The following LRRFIP2 variants were observed in gnomAD, a reference collection of about 807,000 sequenced individuals.
LRRFIP2 encodes the protein leucine-rich repeat flightless-interacting protein 2.
A neutral mutation model predicts 125.9 loss-of-function variants in LRRFIP2; 109 were observed. The observed-to-expected ratio is 0.87, with a 90% CI of 0.74 to 1.01. The LOEUF (loss-of-function observed/expected upper bound fraction) is 1.01. LRRFIP2 is among the 50% of genes least tolerant of loss of function. The probability of loss-of-function intolerance (pLI) is 0.00; values close to 1 mark genes in which losing one functional copy is unlikely to be tolerated. For synonymous variants in LRRFIP2, 291 were observed against 293.1 expected (o/e 0.99, Z 0.07); for missense variants, 850 against 862.3 (o/e 0.99, Z 0.18).
intron 15 of LRRFIP2, among the ~76,000 whole-genome samples, chr3:37,097,401 T>G (rs140029039): frequency 6.6e-6 from 1 of 152,178 alleles, no homozygotes; most frequent in Non-Finnish European, 1.5e-5. Flanking sequence ...TCTTTCTTCA[T>G]AGCATTTATC....
At chr3:37,055,566 CT>C (rs1416389741) in intron 25 of LRRFIP2, among the ~76,000 whole-genome samples, 2 of 151,942 alleles carry the variant, frequency 1.3e-5, no homozygotes, top group Non-Finnish European at 2.9e-5. Context: ...CTCCGTCCCC[CT>C]GCCAAAAAAA....
chr3:37,127,774 C>A lies in LRRFIP2; in HGVS notation c.178-94G>T. ...AATCATACACATTTTCCCTAAAAAA[C>A]AATGATAGCTGACTCAAAGTTACAC... On this transcript the variant is annotated intron_variant, in intron 3 of 27. Coordinates refer to ENST00000336686, the MANE Select transcript of LRRFIP2 (RefSeq NM_006309.4). 3 of 949,384 alleles carry A rather than the reference C, an allele frequency of 3.2e-6. No homozygotes were observed. The South Asian group carries it at 4.2e-5, about 13-fold the overall frequency. 58.8% of individuals were successfully genotyped at this position (949,384 alleles called of 1,614,324 possible).
chr3:37,098,258 G>A (rs112270839), intron 15 of LRRFIP2, among the ~76,000 whole-genome samples: 29 of 151,314 alleles, frequency 1.9e-4, no homozygotes, highest in African/African-American at 6.8e-4. Flanking sequence ...TTTCAAAGCA[G>A]GTAATGACAG....
intron 17 of LRRFIP2, among the ~76,000 whole-genome samples, chr3:37,093,682 T>C (rs1292162114): frequency 6.6e-6 from 1 of 152,188 alleles, no homozygotes; most frequent in Non-Finnish European, 1.5e-5. Context: ...GCAGATAGTA[T>C]TGCTCTCCTA....
In LRRFIP2 at chr3:37,070,944, T is replaced by C. The variant is rs565368049; in HGVS notation, c.1464+1846A>G. Among the ~76,000 whole-genome samples, 3 of 151,494 alleles carry C rather than the reference T, an allele frequency of 2.0e-5. No homozygotes were observed. In the South Asian group the frequency reaches 6.2e-4, roughly 32 times the overall value. ...AAGCCCATTCTAGACAGTGACCAGA[T>C]TTTAACTAAAAATTTTAAATTACCT... is the stretch of plus-strand genomic sequence containing the variant. On this transcript the variant is annotated intron_variant, in intron 21 of 27. Coordinates refer to ENST00000336686, the MANE Select transcript of LRRFIP2 (RefSeq NM_006309.4).
At chr3:37,085,646 A>G (rs2092992147) in intron 18 of LRRFIP2, among the ~76,000 whole-genome samples, 1 of 149,772 alleles carries the variant, frequency 6.7e-6, no homozygotes. Context: ...CAATGGCGCG[A>G]TCTTGGCTCA....
Position 37,101,058 on chromosome 3 carries a change from T to C in LRRFIP2, c.873+1866A>G, listed in dbSNP as rs529299489. Among the ~76,000 whole-genome samples the C allele has an allele frequency of 3.3e-4, 50 of 152,252 alleles. 1 individual carries two copies. In the South Asian group the frequency reaches 5.8e-3, roughly 18 times the overall value. Reference sequence around the variant, plus strand: ...CTTCATTTAAAACTACTGTCTAACGTTTCTATTAAGAAATGTTGGCTGGGC... The same window carrying C: ...CTTCATTTAAAACTACTGTCTAACGCTTCTATTAAGAAATGTTGGCTGGGC... On this transcript the variant is annotated intron_variant, in intron 15 of 27. Transcript: ENST00000336686.
At chr3:37,101,562 G>A (rs1364455989) in intron 15 of LRRFIP2, among the ~76,000 whole-genome samples, 1 of 151,872 alleles carries the variant, frequency 6.6e-6, no homozygotes, top group African/African-American at 2.4e-5. Context: ...CTACTTGGGA[G>A]GTTGAGGTGG....
In LRRFIP2 at chr3:37,060,366, T is replaced by C. The variant is rs2088240755; in HGVS notation, c.1750-1456A>G. On this transcript the variant is annotated intron_variant, in intron 24 of 27. Coordinates refer to ENST00000336686, the MANE Select transcript of LRRFIP2 (RefSeq NM_006309.4). The surrounding 1 kb of genome is among the most constrained non-coding windows in gnomAD (Gnocchi z 4.1). ...CTCTGTGGCCCAGACTGGAGTGCAG[T>C]GGCATGATCTCAGCTCACTGCAACC... is the stretch of plus-strand genomic sequence containing the variant. 6.6e-6 allele frequency among the ~76,000 whole-genome samples: 1 copy of C among 152,198 alleles called. No individual in the cohort carries two copies. The highest frequency in any genetic ancestry group is 1.5e-5 in the Non-Finnish European group (1 of 68,024).
At chr3:37,157,674 T>C (rs964474112) in intron 1 of LRRFIP2, among the ~76,000 whole-genome samples, 2 of 151,590 alleles carry the variant, frequency 1.3e-5, no homozygotes, top group East Asian at 1.9e-4. Flanking sequence ...AGAAAGAATA[T>C]AGAAGGTACA....
intron 2 of LRRFIP2, chr3:37,140,443 T>G (rs115536217): frequency 6.8e-6 from 1 of 147,982 alleles, no homozygotes; most frequent in African/African-American, 2.5e-5. Flanking sequence ...TTCATTCATG[T>G]ATTTATTTAT....
intron 24 of LRRFIP2, 51 bp from the exon 25 acceptor site, chr3:37,058,961 C>G: frequency 6.2e-7 from 1 of 1,607,576 alleles, no homozygotes; most frequent in South Asian, 1.1e-5. Flanking sequence ...TCAAATGAAG[C>G]CGATGCTTAT....
chr3:37,102,869 CTG>C (rs2094136837), intron 15 of LRRFIP2, 53 bp downstream of exon 15: 1 of 1,091,130 alleles, frequency 9.2e-7, no homozygotes, highest in African/African-American at 1.6e-5. Flanking sequence ...AACATATTAG[CTG>C]TTAGTCACAA....
intron 23 of LRRFIP2, chr3:37,065,529 A>G: frequency 1.8e-6 from 1 of 565,390 alleles, no homozygotes; most frequent in Admixed American, 2.2e-5. Context: ...CTCTTTGCAG[A>G]ACAGTTTGTA....
At chr3:37,096,768 T>A in intron 15 of LRRFIP2, 108 bp from the exon 16 acceptor site, 1 of 582,022 alleles carries the variant, frequency 1.7e-6, no homozygotes. Context: ...GTTTGAAGCC[T>A]AAAAATAAAC....
chr3:37,054,630 C>T (rs763370283), intron 26 of LRRFIP2, 115 bp from the exon 27 acceptor site: 60 of 695,994 alleles, frequency 8.6e-5, no homozygotes, highest in Admixed American at 1.7e-4. Flanking sequence ...CTAACAAGTC[C>T]CCTAAGGGTG....
chr3:37,158,381 T>C (rs575230996), intron 1 of LRRFIP2, among the ~76,000 whole-genome samples: 41 of 151,272 alleles, frequency 2.7e-4, no homozygotes, highest in African/African-American at 9.7e-4. Flanking sequence ...TCAAGGCAGG[T>C]GGATCGCTTG....
chr3:37,061,346 C>T (rs9883555), intron 24 of LRRFIP2, among the ~76,000 whole-genome samples: 3,291 of 152,080 alleles, frequency 0.022, 114 homozygotes, highest in African/African-American at 0.075. Context: ...AACATACTTC[C>T]TCTACAGCTT....
At chr3:37,123,590 G>A (rs537010800) in intron 4 of LRRFIP2, among the ~76,000 whole-genome samples, 2 of 152,328 alleles carry the variant, frequency 1.3e-5, no homozygotes, top group South Asian at 4.1e-4. Context: ...TTGGGGGCAT[G>A]TGTGTTAGCC....
Sources: allele counts gnomAD v4.1 joint callset (sites outside exome capture counted in the v4.1 genomes callset), GRCh38; gene constraint gnomAD v4.1.1; non-coding constraint Gnocchi (gnomAD v3.1); transcripts MANE v1.5; gene names NCBI Gene and HGNC (gene_info 2026-07-23, HGNC 2026-07-21).